LPAR1: variants seen among roughly 807,000 people sequenced by gnomAD.
LPAR1 encodes the protein lysophosphatidic acid receptor 1.
Under a neutral mutation model 23.8 loss-of-function variants are expected in LPAR1, and 5 were observed. The ratio of observed to expected loss-of-function variants is 0.21; its 90% confidence interval spans 0.11 to 0.44. LPAR1 has a LOEUF of 0.44. LPAR1 is among the 20% of genes least tolerant of loss of function. The probability of loss-of-function intolerance (pLI) is 0.99; values close to 1 mark genes in which losing one functional copy is unlikely to be tolerated. For missense variants in LPAR1, 311 were observed against 482.8 expected (o/e 0.64, Z 3.33); for synonymous variants, 160 against 164.7 (o/e 0.97, Z 0.22).
chr9:111,024,024 C>G (rs972356505), intron 2 of LPAR1, among the ~76,000 whole-genome samples: 2 of 152,060 alleles, frequency 1.3e-5, no homozygotes. Context: ...TAAAAATATA[C>G]GAGGAAAAAG....
rs890550046 is a variant in LPAR1 at position 110,875,456 on chromosome 9, C to A, written c.1060G>T (p.Ala354Ser). The A allele has an allele frequency of 6.2e-7, 1 of 1,613,802 alleles. No individual in the cohort carries two copies. The highest frequency in any genetic ancestry group is 1.3e-5 in the African/African-American group (1 of 75,016). ...GAGTGGTCATTGCTGTGAACTCCAG[C>A]CAAGATGGTGTGGTTGAGGGAGGAA... ...SASSLNHTIL[A>S]GVHSNDHSVV Residue 354 changes from alanine (A) to serine (S), a missense_variant, in exon 6 of 6, where the codon GCT becomes TCT. Ala to Ser is a moderately conservative substitution (Grantham distance 99). Coordinates refer to ENST00000683809, the MANE Select transcript of LPAR1 (RefSeq NM_001351411.2).
chr9:110,971,843 G>A (rs2096433581), intron 4 of LPAR1, among the ~76,000 whole-genome samples: 1 of 144,084 alleles, frequency 6.9e-6, no homozygotes. Flanking sequence ...TGAAAACCAA[G>A]GCCTCCTATG....
In LPAR1 at chr9:110,941,111, G is replaced by A. The variant is rs1218640063; in HGVS notation, c.793+310C>T. ...AAAAGTTTCACAATTTAGGCTGTAA[G>A]AAAAATGAATGAGTTTGACTGGTAA... On this transcript the variant is annotated intron_variant, in intron 5 of 5. Coordinates refer to ENST00000683809, the MANE Select transcript of LPAR1 (RefSeq NM_001351411.2). The surrounding 1 kb of genome is among the most constrained non-coding windows in gnomAD (Gnocchi z 6.1). Among the ~76,000 whole-genome samples, 1 of 152,016 alleles carries A rather than the reference G, an allele frequency of 6.6e-6. No individual in the cohort carries two copies. Among genetic ancestry groups the A allele is most frequent in the African/African-American group, 2.4e-5 (1 of 41,344 alleles).
Position 110,941,941 on chromosome 9 carries a change from C to T in LPAR1, c.273G>A (p.Leu91=), listed in dbSNP as rs2095132015. Residue 91 remains leucine (L), a synonymous_variant, in exon 5 of 6, where the codon CTG becomes CTA. Coordinates refer to ENST00000683809, the MANE Select transcript of LPAR1 (RefSeq NM_001351411.2). The surrounding 1 kb of genome is among the most constrained non-coding windows in gnomAD (Gnocchi z 6.1). The stretch of plus-strand genomic sequence containing the variant: ...ACCCAGCAAAGAAGTCTGCAGCAGC[C>T]AGATTAGCCATTAGGTAATAAATAG... ...HFPIYYLMAN[L]AAADFFAGLA... is the part of the protein sequence containing the mutation. 6.2e-7 allele frequency: 1 copy of T among 1,614,038 alleles called. No homozygotes were observed. The highest frequency in any genetic ancestry group is 1.1e-5 in the South Asian group (1 of 91,084).
chr9:111,000,147 A>G (rs948677616), intron 2 of LPAR1, among the ~76,000 whole-genome samples: 3 of 152,210 alleles, frequency 2.0e-5, no homozygotes, highest in African/African-American at 4.8e-5. Context: ...TCTTCAGTCC[A>G]TAACACTGCT....
intron 2 of LPAR1, among the ~76,000 whole-genome samples, chr9:110,978,171 T>C (rs2096599255): frequency 6.6e-6 from 1 of 152,082 alleles, no homozygotes; most frequent in African/African-American, 2.4e-5. Context: ...TCTTTGCACA[T>C]AGAGCAGGTA....
At chr9:111,028,876 A>T (rs1232911805) in intron 2 of LPAR1, among the ~76,000 whole-genome samples, 1 of 152,034 alleles carries the variant, frequency 6.6e-6, no homozygotes, top group East Asian at 1.9e-4. Context: ...CTTCCCCCAG[A>T]CGTCAAATCA....
chr9:110,914,255 C>T (rs951706427), intron 5 of LPAR1, among the ~76,000 whole-genome samples: 2 of 152,156 alleles, frequency 1.3e-5, no homozygotes, highest in Non-Finnish European at 2.9e-5. Flanking sequence ...AAAGACATAC[C>T]TGAGACTGGA....
chr9:110,972,507 G>A (rs1474907796), intron 3 of LPAR1, among the ~76,000 whole-genome samples: 2 of 152,092 alleles, frequency 1.3e-5, no homozygotes, highest in African/African-American at 2.4e-5. Context: ...GGTGAGTCGG[G>A]GGAAAAGCCA....
intron 5 of LPAR1, among the ~76,000 whole-genome samples, chr9:110,909,213 G>T (rs1031515493): frequency 1.3e-5 from 2 of 152,200 alleles, no homozygotes; most frequent in African/African-American, 4.8e-5. Flanking sequence ...CAGCACCCAA[G>T]AAAAGCCTTC....
At chr9:110,896,113 G>A (rs1351191784) in intron 5 of LPAR1, among the ~76,000 whole-genome samples, 2 of 152,186 alleles carry the variant, frequency 1.3e-5, no homozygotes, top group Non-Finnish European at 2.9e-5. Context: ...AGGGAGAAAT[G>A]TACTTGCTCC....
chr9:110,889,804 A>G (rs1177871324), intron 5 of LPAR1, among the ~76,000 whole-genome samples: 2 of 152,220 alleles, frequency 1.3e-5, no homozygotes, highest in African/African-American at 4.8e-5. Flanking sequence ...TGATTGTGTT[A>G]TATCCAAATG....
At chr9:110,981,079 A>T (rs2096656418) in intron 2 of LPAR1, among the ~76,000 whole-genome samples, 2 of 152,122 alleles carry the variant, frequency 1.3e-5, no homozygotes, top group South Asian at 4.1e-4. Flanking sequence ...TAAGGAAACT[A>T]CCTTACCATC....
chr9:111,015,148 T>C (rs2097417615), intron 2 of LPAR1, among the ~76,000 whole-genome samples: 1 of 152,158 alleles, frequency 6.6e-6, no homozygotes, highest in Non-Finnish European at 1.5e-5. Context: ...TCTCTATGAC[T>C]TCCAGCCTCC....
chr9:110,925,381 A>T (rs995345178), intron 5 of LPAR1, among the ~76,000 whole-genome samples: 3 of 152,072 alleles, frequency 2.0e-5, no homozygotes, highest in African/African-American at 7.2e-5. Context: ...CATATAGACA[A>T]TTCAAGCCTG....
At chr9:110,971,921 C>G in intron 4 of LPAR1, 152 bp downstream of exon 4, 1 of 695,182 alleles carries the variant, frequency 1.4e-6, no homozygotes, top group Non-Finnish European at 2.5e-6. Flanking sequence ...AATGGCACCT[C>G]ACTCACAAAA....
chr9:110,964,187 C>T (rs777492794), intron 4 of LPAR1, among the ~76,000 whole-genome samples: 1 of 152,100 alleles, frequency 6.6e-6, no homozygotes, highest in Non-Finnish European at 1.5e-5. Context: ...AATCTGTTTT[C>T]TCACTTAGAA....
At chr9:110,948,967 G>T (rs1333048548) in intron 4 of LPAR1, among the ~76,000 whole-genome samples, 1 of 151,538 alleles carries the variant, frequency 6.6e-6, no homozygotes, top group Non-Finnish European at 1.5e-5. Flanking sequence ...AGGAAGTTTT[G>T]TCAAGCTCAG....
At chr9:110,936,300 T>C (rs71501653) in intron 5 of LPAR1, among the ~76,000 whole-genome samples, 34 of 152,232 alleles carry the variant, frequency 2.2e-4, no homozygotes, top group Admixed American at 6.5e-4. Flanking sequence ...AATAGGACAG[T>C]AGCCAAATTA....
Sources: allele counts gnomAD v4.1 joint callset (sites outside exome capture counted in the v4.1 genomes callset), GRCh38; gene constraint gnomAD v4.1.1; non-coding constraint Gnocchi (gnomAD v3.1); transcripts MANE v1.5; gene names NCBI Gene and HGNC (gene_info 2026-07-23, HGNC 2026-07-21).